The following NTN4 variants were observed in gnomAD, a reference collection of about 807,000 sequenced individuals.
The protein encoded by NTN4 is netrin 4.
NTN4 carries 32 observed loss-of-function variants against 73.6 expected under a neutral mutation model. The ratio of observed to expected loss-of-function variants is 0.44; its 90% CI spans 0.33 to 0.58. The LOEUF is 0.58. NTN4 is among the 20% of genes least tolerant of loss of function. The pLI, the probability that NTN4 is intolerant of heterozygous loss-of-function variation, is 0.04. For missense variants in NTN4, 654 were observed against 798.3 expected (o/e 0.82, Z 2.18); for synonymous variants, 258 against 287.5 (o/e 0.90, Z 1.04).
chr12:95,748,212 C>T (rs1042061576), intron 2 of NTN4, among the ~76,000 whole-genome samples: 15 of 102,038 alleles, frequency 1.5e-4, no homozygotes, highest in African/African-American at 5.1e-4. Flanking sequence ...GCCTGGGCGA[C>T]AGAGCAAGAC....
At chr12:95,722,597 C>T (rs2078656709) in intron 3 of NTN4, among the ~76,000 whole-genome samples, 1 of 152,130 alleles carries the variant, frequency 6.6e-6, no homozygotes, top group African/African-American at 2.4e-5. Flanking sequence ...TGCAATCCAG[C>T]CTGGGCCAGA....
intron 3 of NTN4, among the ~76,000 whole-genome samples, chr12:95,733,401 T>C (rs1050602658): frequency 6.6e-6 from 1 of 152,246 alleles, no homozygotes; most frequent in African/African-American, 2.4e-5. Flanking sequence ...TTTGTCATTA[T>C]TGGCAAAGAA....
chr12:95,697,547 T>C (rs2078451439), intron 5 of NTN4, among the ~76,000 whole-genome samples: 1 of 152,154 alleles, frequency 6.6e-6, no homozygotes, highest in African/African-American at 2.4e-5. Flanking sequence ...TAAGATTCCT[T>C]AGGATGAAAT....
intron 7 of NTN4, among the ~76,000 whole-genome samples, chr12:95,671,376 C>T (rs755531222): frequency 1.3e-5 from 2 of 152,082 alleles, no homozygotes; most frequent in Non-Finnish European, 2.9e-5. Flanking sequence ...TGTTAGGAAC[C>T]GGGTCACACA....
intron 5 of NTN4, among the ~76,000 whole-genome samples, chr12:95,703,929 T>C (rs1232969890): frequency 6.6e-6 from 1 of 151,840 alleles, no homozygotes; most frequent in Non-Finnish European, 1.5e-5. Context: ...CTCTCAACCT[T>C]AAAAAAAAAT....
At chr12:95,774,022 C>T (rs2079074787) in intron 2 of NTN4, among the ~76,000 whole-genome samples, 2 of 152,090 alleles carry the variant, frequency 1.3e-5, no homozygotes, top group Admixed American at 1.3e-4. Context: ...GTGCAAAGAG[C>T]CTTCACTTGT....
At chr12:95,738,412 GC>G (rs2078798015) in intron 2 of NTN4, among the ~76,000 whole-genome samples, 1 of 152,226 alleles carries the variant, frequency 6.6e-6, no homozygotes, top group Non-Finnish European at 1.5e-5. Flanking sequence ...CAAAGATCTT[GC>G]CAGGAAGAGC....
chr12:95,752,275 A>G (rs2078914159), intron 2 of NTN4, among the ~76,000 whole-genome samples: 1 of 150,208 alleles, frequency 6.7e-6, no homozygotes, highest in Admixed American at 6.6e-5. Context: ...CTAGAACCAG[A>G]CAAGCCTTAC....
chr12:95,756,253 ATGGATAGGATGAAC>A (rs1198765468), intron 2 of NTN4, among the ~76,000 whole-genome samples: 1 of 152,232 alleles, frequency 6.6e-6, no homozygotes, highest in African/African-American at 2.4e-5. Context: ...CAACCAAATA[ATGGATAGGATGAAC>A]TGTGCCACCT....
In NTN4 at chr12:95,665,818, A is replaced by G; in HGVS notation, c.1742T>C (p.Leu581Pro). 1 of 1,613,258 alleles carries G rather than the reference A, an allele frequency of 6.2e-7. No homozygotes were observed. The change falls in exon 9 of 10, where the codon CTC (leucine) becomes CCC (proline). Residue 581 changes from leucine to proline, a missense_variant. By Grantham distance (98) the Leu-to-Pro change is moderately conservative. Transcript: ENST00000343702. ...WTDRGCTCPI[L>P]NPGLEYLVAG... is the part of the protein sequence containing the mutation. ...GAAAGTCTAATACTCACCAGGATTG[A>G]GGATTGGACAAGTGCATCCTCTGTC...
intron 5 of NTN4, among the ~76,000 whole-genome samples, chr12:95,708,393 T>C (rs1284081540): frequency 6.6e-6 from 1 of 151,758 alleles, no homozygotes; most frequent in Non-Finnish European, 1.5e-5. Context: ...GTTCACGCCA[T>C]TCTCCTGCCT....
chr12:95,697,566 T>C (rs922394998), intron 5 of NTN4, among the ~76,000 whole-genome samples: 5 of 152,118 alleles, frequency 3.3e-5, no homozygotes, highest in Non-Finnish European at 5.9e-5. Context: ...ATCAGTTCTT[T>C]AGATTCAAAT....
At chr12:95,709,622 CT>C (rs1357228019) in intron 5 of NTN4, among the ~76,000 whole-genome samples, 1 of 150,952 alleles carries the variant, frequency 6.6e-6, no homozygotes, top group Non-Finnish European at 1.5e-5. Context: ...CAACCTCTGC[CT>C]GCTGGATTCA....
intron 5 of NTN4, among the ~76,000 whole-genome samples, chr12:95,694,317 C>CGGCGGCCACTCCCTCCG (rs1555215332): frequency 1.6e-3 from 238 of 152,082 alleles, no homozygotes; most frequent in Non-Finnish European, 2.4e-3. Context: ...CACCAAGACC[C>CGGCGGCCACTCCCTCCG]CGGCGGCCAC....
At position 95,768,171 on chromosome 12, in the gene NTN4, G is replaced by A. The variant is rs557062035; in HGVS notation, c.585+18768C>T. ...GCTAAGGCAGTGTTTCTCCAAGTGT[G>A]GTCTGGGCTACTTTAGGGAGCTTGC... On this transcript the variant is annotated intron_variant, in intron 2 of 9. Coordinates refer to ENST00000343702, the MANE Select transcript of NTN4 (RefSeq NM_021229.4). Among the ~76,000 whole-genome samples the A allele has an allele frequency of 2.0e-5, 3 of 152,304 alleles. No individual in the cohort carries two copies. In the South Asian group the frequency reaches 6.2e-4, roughly 32 times the overall value.
chr12:95,774,021 G>A (rs2079074759), intron 2 of NTN4, among the ~76,000 whole-genome samples: 1 of 152,106 alleles, frequency 6.6e-6, no homozygotes, highest in African/African-American at 2.4e-5. Context: ...AGTGCAAAGA[G>A]CCTTCACTTG....
intron 8 of NTN4, among the ~76,000 whole-genome samples, chr12:95,667,367 A>AT (rs1565876996): frequency 6.6e-6 from 1 of 151,492 alleles, no homozygotes; most frequent in Non-Finnish European, 1.5e-5. Context: ...ATATATATAT[A>AT]TTTTTTCACA....
chr12:95,667,457 C>T lies in NTN4; in HGVS notation c.1580-1477G>A, dbSNP rs535456585. Among the ~76,000 whole-genome samples, 675 of 152,138 alleles carry T rather than the reference C, an allele frequency of 4.4e-3. 6 individuals carry two copies. Among genetic ancestry groups the T allele is most frequent in the African/African-American group, 0.014 (581 of 41,502 alleles). On this transcript the variant is annotated intron_variant, in intron 8 of 9. Transcript: ENST00000343702. ...GCACTCTATCTTGGCTGGTCTCATA[C>T]TCTGCGAATACAGCGTCAGACAGCT... is the stretch of plus-strand genomic sequence containing the variant.
chr12:95,720,080 G>A (rs549382430), intron 3 of NTN4, among the ~76,000 whole-genome samples: 1 of 152,278 alleles, frequency 6.6e-6, no homozygotes, highest in South Asian at 2.1e-4. Context: ...GCTGTAACCT[G>A]AAATTCTTTC....
Sources: allele counts gnomAD v4.1 joint callset (sites outside exome capture counted in the v4.1 genomes callset), GRCh38; gene constraint gnomAD v4.1.1; transcripts MANE v1.5; gene names NCBI Gene and HGNC (gene_info 2026-07-23, HGNC 2026-07-21).